The following RICTOR variants were observed in gnomAD, a reference collection of about 807,000 sequenced individuals.
RICTOR encodes rapamycin-insensitive companion of mTOR.
Under a neutral mutation model 214.9 loss-of-function variants are expected in RICTOR, and 49 were observed. The observed-to-expected ratio is 0.23, with a 90% CI of 0.18 to 0.29. The LOEUF is 0.29. Ranked by LOEUF, RICTOR falls within the 10% of genes least tolerant of loss-of-function variation. The probability of loss-of-function intolerance (pLI) is 1.00; values close to 1 mark genes in which losing one functional copy is unlikely to be tolerated. For missense variants in RICTOR, 1,625 were observed against 2,047.0 expected (o/e 0.79, Z 3.98); for synonymous variants, 717 against 711.3 (o/e 1.01, Z -0.13).
chr5:38,948,035 T>A (rs1173023022), intron 31 of RICTOR, among the ~76,000 whole-genome samples: 1 of 151,870 alleles, frequency 6.6e-6, no homozygotes, highest in Non-Finnish European at 1.5e-5. Flanking sequence ...ATTTCCACAA[T>A]GTACTCCTTA....
intron 2 of RICTOR, chr5:39,022,327 A>C (rs945583235): frequency 1.3e-5 from 2 of 152,546 alleles, no homozygotes; most frequent in African/African-American, 4.8e-5. Flanking sequence ...ACCCCAAAGA[A>C]AAGAAAGAAT....
chr5:39,037,517 A>T (rs1756811213), intron 2 of RICTOR, among the ~76,000 whole-genome samples: 1 of 152,136 alleles, frequency 6.6e-6, no homozygotes, highest in Non-Finnish European at 1.5e-5. Flanking sequence ...CAAAAAATCA[A>T]TGAATCCAGG....
chr5:39,032,767 G>A (rs1033547750), intron 2 of RICTOR, among the ~76,000 whole-genome samples: 2 of 152,158 alleles, frequency 1.3e-5, no homozygotes, highest in African/African-American at 2.4e-5. Context: ...TCAGAAAAAC[G>A]ACAAACCATG....
chr5:39,010,547 G>A (rs185490158), intron 3 of RICTOR, among the ~76,000 whole-genome samples: 8 of 152,302 alleles, frequency 5.3e-5, no homozygotes, highest in Non-Finnish European at 1.0e-4. Context: ...AGCTTGGAAC[G>A]TCCTATAGAC....
chr5:39,038,193 A>C (rs2150163742), intron 2 of RICTOR, among the ~76,000 whole-genome samples: 1 of 152,372 alleles, frequency 6.6e-6, no homozygotes, highest in Admixed American at 6.5e-5. Context: ...GTAATCCAGC[A>C]TATAAACAGA....
chr5:38,977,592 CTTTTTTT>C (rs34467191), intron 9 of RICTOR, among the ~76,000 whole-genome samples: 2 of 83,222 alleles, frequency 2.4e-5, no homozygotes, highest in Non-Finnish European at 4.5e-5. Context: ...TATGAAACCA[CTTTTTTT>C]TTTTTTTTTT....
intron 3 of RICTOR, among the ~76,000 whole-genome samples, chr5:39,014,655 C>T (rs1754803444): frequency 1.3e-5 from 2 of 151,986 alleles, no homozygotes; most frequent in Admixed American, 6.6e-5. Flanking sequence ...AGATTATGAG[C>T]ATGTTGTCAG....
rs537034910 is a variant in RICTOR, at chr5:39,066,795, G to A, written c.97+7316C>T. Among the ~76,000 whole-genome samples the A allele has an allele frequency of 1.5e-4, 23 of 152,292 alleles. No homozygotes were observed. The East Asian group carries it at 4.3e-3, about 28-fold the overall frequency. On this transcript the variant is annotated intron_variant, in intron 2 of 37. Coordinates refer to ENST00000357387, the MANE Select transcript of RICTOR (RefSeq NM_152756.5). ...CAGGTCCCTACAGAATGAACAGAAT[G>A]CAACCAAGTGCTTTGCTAAAGCATA...
At chr5:39,064,499 C>T (rs926436284) in intron 2 of RICTOR, among the ~76,000 whole-genome samples, 1 of 152,112 alleles carries the variant, frequency 6.6e-6, no homozygotes, top group Non-Finnish European at 1.5e-5. Flanking sequence ...CATTCTTCTA[C>T]CATTATTCAT....
intron 7 of RICTOR, among the ~76,000 whole-genome samples, chr5:38,990,677 G>GATATATATCATATCTGAT (rs1300984037): frequency 2.0e-4 from 1 of 4,948 alleles, no homozygotes; most frequent in South Asian, 6.1e-3. Context: ...ATATATATCA[G>GATATATATCATATCTGAT]ATATATCATA....
At chr5:39,059,792 A>G (rs910144118) in intron 2 of RICTOR, among the ~76,000 whole-genome samples, 1 of 152,086 alleles carries the variant, frequency 6.6e-6, no homozygotes, top group African/African-American at 2.4e-5. Context: ...TTCACTGACC[A>G]TACAAATAAG....
In RICTOR at chr5:38,953,517, G is replaced by C; in HGVS notation, c.2734C>G (p.Pro912Ala). 6.7e-7 allele frequency: 1 copy of C among 1,489,058 alleles called. No homozygotes were observed. Among genetic ancestry groups the C allele is most frequent in the Non-Finnish European group, 9.0e-7 (1 of 1,111,708 alleles). The allele number at this position is 1,489,058 out of a possible 1,614,324, so 92.2% of individuals were successfully genotyped here. A position where few individuals can be genotyped will look rare whatever the true frequency, so the allele number is the denominator to read the frequency against. ...ATTTCTTCCCACTTATCCAAATCTG[G>C]TGTACGAACATTACGACAGAGTTCT... ...ITELCRNVRT[P>A]DLDKWEEIKK... The change falls in exon 28 of 38, where the codon CCA becomes GCA. Residue 912 changes from proline to alanine, a missense_variant. This residue lies in a region of RICTOR where 1,214 missense variants were observed against 1,470.5 expected (regional missense o/e 0.83). Coordinates refer to ENST00000357387, the MANE Select transcript of RICTOR (RefSeq NM_152756.5).
chr5:39,030,143 T>A (rs1468689393), intron 2 of RICTOR, among the ~76,000 whole-genome samples: 3 of 152,168 alleles, frequency 2.0e-5, no homozygotes, highest in Non-Finnish European at 2.9e-5. Context: ...CCTCTTAGTG[T>A]GAATTACCTG....
chr5:39,072,899 A>G (rs1350639964), intron 2 of RICTOR, among the ~76,000 whole-genome samples: 1 of 152,242 alleles, frequency 6.6e-6, no homozygotes, highest in Non-Finnish European at 1.5e-5. Context: ...ATAAAATATT[A>G]AGTTATAAAA....
intron 4 of RICTOR, 111 bp downstream of exon 4, chr5:39,003,447 C>T: frequency 1.5e-6 from 1 of 663,596 alleles, no homozygotes; most frequent in South Asian, 2.3e-5. Context: ...GCAACTATTT[C>T]TATAAAATCA....
intron 2 of RICTOR, among the ~76,000 whole-genome samples, chr5:39,037,680 CT>C (rs1229860301): frequency 1.3e-5 from 2 of 152,194 alleles, no homozygotes; most frequent in Non-Finnish European, 2.9e-5. Context: ...TCAGAGAATA[CT>C]ATAAACACCT....
At chr5:39,005,627 T>C (rs1165367739) in intron 3 of RICTOR, among the ~76,000 whole-genome samples, 1 of 152,232 alleles carries the variant, frequency 6.6e-6, no homozygotes, top group East Asian at 1.9e-4. Context: ...GTGGATCATC[T>C]CTGGATCTGT....
At chr5:39,071,569 A>C (rs1241004824) in intron 2 of RICTOR, among the ~76,000 whole-genome samples, 1 of 152,218 alleles carries the variant, frequency 6.6e-6, no homozygotes, top group African/African-American at 2.4e-5. Flanking sequence ...CTTTGAAGTT[A>C]TCTCTTATTT....
chr5:38,955,971 T>C (rs1442541256), intron 25 of RICTOR, among the ~76,000 whole-genome samples: 10 of 152,034 alleles, frequency 6.6e-5, no homozygotes, highest in Admixed American at 2.6e-4. Flanking sequence ...GTTCAACATA[T>C]TGAAAATTCA....
Sources: allele counts gnomAD v4.1 joint callset (sites outside exome capture counted in the v4.1 genomes callset), GRCh38; gene constraint gnomAD v4.1.1; regional missense constraint gnomAD v4.1.1; transcripts MANE v1.5; gene names NCBI Gene and HGNC (gene_info 2026-07-23, HGNC 2026-07-21).